LIPC: variants seen among roughly 807,000 people sequenced by gnomAD.
The protein encoded by LIPC is hepatic triacylglycerol lipase.
Under a neutral mutation model 50.7 loss-of-function variants are expected in LIPC, and 44 were observed. The observed-to-expected ratio is 0.87, with a 90% CI of 0.68 to 1.11. The LOEUF (loss-of-function observed/expected upper bound fraction) is 1.11, where lower values mean the gene tolerates loss of function less well. Among genes scored for constraint, LIPC ranks in the 50% most tolerant of loss-of-function variants. The pLI, the probability that LIPC is intolerant of heterozygous loss-of-function variation, is 0.00. For synonymous variants in LIPC, 271 were observed against 256.4 expected (o/e 1.06, Z -0.54); for missense variants, 697 against 648.2 (o/e 1.08, Z -0.82).
chr15:58,529,859 C>T (rs1301349951), intron 1 of LIPC, among the ~76,000 whole-genome samples: 1 of 152,222 alleles, frequency 6.6e-6, no homozygotes, highest in Non-Finnish European at 1.5e-5. Flanking sequence ...TAGATCATCA[C>T]TACCAATAAA....
At chr15:58,465,527 G>T (rs1379799170) in intron 1 of LIPC, among the ~76,000 whole-genome samples, 2 of 152,188 alleles carry the variant, frequency 1.3e-5, no homozygotes, top group African/African-American at 4.8e-5. Context: ...GGCTGGGCTG[G>T]GAGGAAGAGA....
intron 1 of LIPC, among the ~76,000 whole-genome samples, chr15:58,537,090 A>T (rs1192690418): frequency 6.6e-6 from 1 of 152,210 alleles, no homozygotes; most frequent in African/African-American, 2.4e-5. Flanking sequence ...AGGGGAGCCC[A>T]CCTTCTACCA....
At chr15:58,503,673 G>A (rs1295630665) in intron 1 of LIPC, among the ~76,000 whole-genome samples, 3 of 152,210 alleles carry the variant, frequency 2.0e-5, no homozygotes, top group African/African-American at 2.4e-5. Flanking sequence ...CACCCAGCCC[G>A]GGGTGGCCCC....
At chr15:58,472,576 C>CAA (rs34483233) in intron 1 of LIPC, among the ~76,000 whole-genome samples, 54,210 of 121,928 alleles carry the variant, frequency 0.44, 10,689 homozygotes, top group Middle Eastern at 0.56. Flanking sequence ...ACTCTTGTCT[C>CAA]AAAAAAAAAA....
intron 1 of LIPC, among the ~76,000 whole-genome samples, chr15:58,496,595 G>C (rs1303576198): frequency 1.3e-5 from 2 of 152,106 alleles, no homozygotes; most frequent in Non-Finnish European, 2.9e-5. Flanking sequence ...TAAAACAGAA[G>C]ATGTCTGACT....
At chr15:58,461,627 A>G (rs1894351641) in intron 1 of LIPC, among the ~76,000 whole-genome samples, 1 of 150,846 alleles carries the variant, frequency 6.6e-6, no homozygotes, top group South Asian at 2.1e-4. Context: ...CACATTGGCC[A>G]GGCTGGTCTC....
chr15:58,567,117 G>A (rs551827696), intron 8 of LIPC, among the ~76,000 whole-genome samples: 4 of 149,974 alleles, frequency 2.7e-5, no homozygotes, highest in African/African-American at 4.9e-5. Flanking sequence ...CAAAGGAATC[G>A]CTTGAACCCA....
intron 1 of LIPC, chr15:58,523,388 A>G (rs1892711173): frequency 6.6e-6 from 1 of 152,266 alleles, no homozygotes; most frequent in Non-Finnish European, 1.5e-5. Flanking sequence ...CTAGGACCCA[A>G]GTCGGTGAAG....
chr15:58,520,414 T>C (rs1405984551), intron 1 of LIPC, among the ~76,000 whole-genome samples: 37 of 152,072 alleles, frequency 2.4e-4, no homozygotes, highest in Admixed American at 2.4e-3. Context: ...ATTTAGAAAC[T>C]CATTTCCTGC....
chr15:58,507,751 A>G (rs535974265), intron 1 of LIPC, among the ~76,000 whole-genome samples: 52 of 152,348 alleles, frequency 3.4e-4, no homozygotes, highest in African/African-American at 1.2e-3. Context: ...CACAGAAGAC[A>G]GATTAGTAGA....
chr15:58,543,801 T>G (rs956193680), intron 4 of LIPC, among the ~76,000 whole-genome samples: 2 of 152,006 alleles, frequency 1.3e-5, no homozygotes, highest in South Asian at 2.1e-4. Context: ...TTTGTATTTT[T>G]AGTAGATACG....
At chr15:58,467,163 G>C (rs1894597272) in intron 1 of LIPC, among the ~76,000 whole-genome samples, 1 of 152,124 alleles carries the variant, frequency 6.6e-6, no homozygotes, top group Non-Finnish European at 1.5e-5. Context: ...AAATCCAGTA[G>C]ACCAATGAAG....
intron 1 of LIPC, among the ~76,000 whole-genome samples, chr15:58,490,704 G>T (rs1251252932): frequency 6.6e-6 from 1 of 152,194 alleles, no homozygotes; most frequent in Non-Finnish European, 1.5e-5. Flanking sequence ...GTCATCTCCA[G>T]CTCTCTGAAC....
chr15:58,503,664 AC>A (rs1892058877), intron 1 of LIPC, among the ~76,000 whole-genome samples: 1 of 152,210 alleles, frequency 6.6e-6, no homozygotes, highest in African/African-American at 2.4e-5. Flanking sequence ...GGGCCGCACC[AC>A]CCAGCCCGGG....
intron 1 of LIPC, among the ~76,000 whole-genome samples, chr15:58,530,925 G>T (rs1294829203): frequency 6.6e-6 from 1 of 152,136 alleles, no homozygotes; most frequent in South Asian, 2.1e-4. Flanking sequence ...TAGATATTTG[G>T]GTTGTTTCAG....
intron 1 of LIPC, among the ~76,000 whole-genome samples, chr15:58,459,761 C>T (rs979509984): frequency 2.5e-4 from 38 of 152,252 alleles, no homozygotes; most frequent in African/African-American, 8.2e-4. Flanking sequence ...TCCCCAAGGA[C>T]GCCTGCACGG....
chr15:58,506,925 AGAG>A (rs1214063614), intron 1 of LIPC, among the ~76,000 whole-genome samples: 1 of 152,254 alleles, frequency 6.6e-6, no homozygotes, highest in Non-Finnish European at 1.5e-5. Context: ...CAATCATTGC[AGAG>A]GAGGAAGCAA....
intron 1 of LIPC, among the ~76,000 whole-genome samples, chr15:58,441,605 G>C (rs1386354424): frequency 6.6e-6 from 1 of 152,198 alleles, no homozygotes; most frequent in African/African-American, 2.4e-5. Flanking sequence ...GCAAGGGAGA[G>C]CTCACTCCAG....
At chr15:58,523,308 T>C (rs755166624) in intron 1 of LIPC, 1 of 152,298 alleles carries the variant, frequency 6.6e-6, no homozygotes, top group Non-Finnish European at 1.5e-5. Flanking sequence ...ACCTTTCCTC[T>C]CTCAGGTCAC....
Sources: gnomAD v4.1 joint callset for allele counts (sites outside exome capture counted in the v4.1 genomes callset) on GRCh38, gnomAD v4.1.1 for gene constraint, MANE v1.5 for transcripts, NCBI Gene and HGNC (gene_info 2026-07-23, HGNC 2026-07-21) for gene names.